Variants in CHLSN observed in about 807,000 individuals in gnomAD.
CHLSN encodes protein cholesin.
the CHLSN span, among the ~76,000 whole-genome samples, chr7:1,065,404 G>C: frequency 8.5e-5 from 13 of 152,254 alleles, no homozygotes; most frequent in Non-Finnish European, 1.3e-4. Context: ...CCCAACACTG[G>C]AAACAACCCA....
At chr7:997,408 C>T in the CHLSN span, 1 of 514,026 alleles carries the variant, frequency 1.9e-6, no homozygotes, top group Non-Finnish European at 3.4e-6. Flanking sequence ...CCATCACTGT[C>T]ACAGCCGTCA....
chr7:996,643 C>T, the CHLSN span, among the ~76,000 whole-genome samples: 1 of 152,256 alleles, frequency 6.6e-6, no homozygotes, highest in Non-Finnish European at 1.5e-5. Context: ...GCCACCCGGC[C>T]CTCCCCGGCA....
the CHLSN span, among the ~76,000 whole-genome samples, chr7:985,647 C>G: frequency 6.6e-6 from 1 of 152,210 alleles, no homozygotes; most frequent in Non-Finnish European, 1.5e-5. Context: ...GTCTGCCCCC[C>G]AAGCCCTGAC....
the CHLSN span, among the ~76,000 whole-genome samples, chr7:1,119,620 G>C: frequency 6.6e-5 from 10 of 152,144 alleles, no homozygotes; most frequent in Non-Finnish European, 1.5e-4. Context: ...TCACGCCTGT[G>C]ATTTCAGCAC....
the CHLSN span, among the ~76,000 whole-genome samples, chr7:1,017,928 G>C: frequency 6.6e-6 from 1 of 152,210 alleles, no homozygotes; most frequent in Non-Finnish European, 1.5e-5. Flanking sequence ...TGTTTGTTCG[G>C]TGCATTTTAT....
chr7:1,006,455 ACGGCCACAGCGCAGGGAAAGAGCACACG>A, the CHLSN span, among the ~76,000 whole-genome samples: 11 of 148,468 alleles, frequency 7.4e-5, no homozygotes, highest in African/African-American at 2.5e-4. Context: ...AGAGCACACG[ACGGCCACAGCGCAGGGAAAGAGCACACG>A]ACGGCCACAG....
the CHLSN span, among the ~76,000 whole-genome samples, chr7:1,121,333 C>T: frequency 6.6e-6 from 1 of 152,138 alleles, no homozygotes; most frequent in Non-Finnish European, 1.5e-5. Context: ...TTCGGGCTCC[C>T]AGGGAGCCTC....
At chr7:1,034,481 C>T in the CHLSN span, among the ~76,000 whole-genome samples, 2 of 151,966 alleles carry the variant, frequency 1.3e-5, no homozygotes, top group African/African-American at 4.8e-5. Flanking sequence ...CGCTGAAATA[C>T]GATGACTAGA....
the CHLSN span, chr7:1,028,367 T>G: frequency 4.0e-6 from 4 of 988,888 alleles, no homozygotes; most frequent in Non-Finnish European, 4.8e-6. Context: ...GCCTCCACAC[T>G]GCGCATGCCC....
the CHLSN span, among the ~76,000 whole-genome samples, chr7:1,098,395 C>A: frequency 6.6e-6 from 1 of 152,170 alleles, no homozygotes; most frequent in African/African-American, 2.4e-5. Context: ...AGCCAATAGA[C>A]GGAGAAACGA....
chr7:1,093,578 A>G, the CHLSN span: 1 of 471,128 alleles, frequency 2.1e-6, no homozygotes, highest in East Asian at 6.9e-5. Context: ...GCTTGTTGAC[A>G]TCAACATGGC....
chr7:1,012,452 T>G, the CHLSN span, among the ~76,000 whole-genome samples: 1 of 152,256 alleles, frequency 6.6e-6, no homozygotes, highest in Non-Finnish European at 1.5e-5. Flanking sequence ...GCAGGCTTCC[T>G]GAGCGCCCGG....
the CHLSN span, chr7:985,215 C>T: frequency 4.5e-6 from 7 of 1,557,688 alleles, no homozygotes; most frequent in African/African-American, 5.4e-5. Flanking sequence ...CCAATATCAC[C>T]TTCGCGCTCC....
the CHLSN span, among the ~76,000 whole-genome samples, chr7:1,019,193 C>T: frequency 2.9e-5 from 1 of 35,012 alleles, no homozygotes; most frequent in African/African-American, 1.6e-4. Context: ...GACTCTGTCT[C>T]AAAAAAAAAA....
the CHLSN span, chr7:1,057,772 G>GC: frequency 3.9e-6 from 3 of 775,590 alleles, no homozygotes; most frequent in Non-Finnish European, 2.4e-6. Context: ...CACCTGCTCG[G>GC]CCCCCCGAGC....
At chr7:1,129,439 C>T in the CHLSN span, among the ~76,000 whole-genome samples, 1 of 132,472 alleles carries the variant, frequency 7.5e-6, no homozygotes, top group African/African-American at 3.4e-5. Context: ...CCACCGTCAC[C>T]CGGGCTGGAG....
At chr7:1,077,401 C>T in the CHLSN span, among the ~76,000 whole-genome samples, 8 of 152,218 alleles carry the variant, frequency 5.3e-5, no homozygotes, top group East Asian at 1.9e-4. Context: ...GTGATCCGCC[C>T]GCCTCGGCCT....
the CHLSN span, among the ~76,000 whole-genome samples, chr7:1,011,743 CCATA>C: frequency 6.6e-6 from 1 of 151,838 alleles, no homozygotes; most frequent in African/African-American, 2.4e-5. Flanking sequence ...CCCACAAACA[CCATA>C]CACACACGCC....
At chr7:1,063,563 C>T in the CHLSN span, among the ~76,000 whole-genome samples, 1 of 152,228 alleles carries the variant, frequency 6.6e-6, no homozygotes, top group East Asian at 1.9e-4. Flanking sequence ...GCCGTGTCTC[C>T]CAGCGCCCAC....
Sources: allele counts gnomAD v4.1 joint callset (sites outside exome capture counted in the v4.1 genomes callset), GRCh38; gene constraint gnomAD v4.1.1; transcripts MANE v1.5; gene names NCBI Gene and HGNC (gene_info 2026-07-23, HGNC 2026-07-21).